The following TMPRSS11B variants were observed in gnomAD, a reference collection of about 807,000 sequenced individuals.
TMPRSS11B encodes the protein transmembrane protease serine 11B.
In TMPRSS11B, 53 loss-of-function variants were observed where a neutral mutation model predicts 44.7. That is an observed-to-expected ratio of 1.19 (90% CI 0.95 to 1.49). The LOEUF is 1.49. TMPRSS11B is among the 40% of genes most tolerant of loss of function. The probability of loss-of-function intolerance (pLI) is 0.00; values close to 1 mark genes in which losing one functional copy is unlikely to be tolerated. For synonymous variants in TMPRSS11B, 140 were observed against 159.2 expected, an observed-to-expected ratio of 0.88 and a Z score of 0.91; for missense variants, 526 against 494.8, an observed-to-expected ratio of 1.06 and a Z score of -0.60.
At chr4:68,234,362 T>C (rs1719601774) in intron 5 of TMPRSS11B, 101 bp downstream of exon 5, 1 of 1,286,206 alleles carries the variant, frequency 7.8e-7, no homozygotes, top group Admixed American at 2.3e-5. Context: ...CATATTTTTT[T>C]CCCGAATTAC....
chr4:68,231,451 A>T (rs2109956501), intron 6 of TMPRSS11B, 71 bp from the exon 7 acceptor site: 1 of 1,359,258 alleles, frequency 7.4e-7, no homozygotes, highest in East Asian at 2.4e-5. Context: ...ATATCATTAA[A>T]AATTACTTGA....
intron 1 of TMPRSS11B, among the ~76,000 whole-genome samples, chr4:68,245,245 G>A (rs1719967952): frequency 6.6e-6 from 1 of 152,044 alleles, no homozygotes; most frequent in African/African-American, 2.4e-5. Context: ...AAACGGTAGC[G>A]TTCTTATGAG....
chr4:68,231,335 A>C lies in TMPRSS11B; in HGVS notation c.554T>G (p.Ile185Ser). 6.2e-7 allele frequency: 1 copy of C among 1,613,822 alleles called. No homozygotes were observed. Among genetic ancestry groups the C allele is most frequent in the Non-Finnish European group, 8.5e-7 (1 of 1,179,844 alleles). ...VANSIITGNKIVNGKSSLEGA... is the reference protein window; with the variant it reads ...VANSIITGNKSVNGKSSLEGA... ...CTCCAGGGAGCTTTTTCCATTCACAATTTTGTTGCCAGTTATGATACTGTT... is the reference window on the plus strand; with the variant it reads ...CTCCAGGGAGCTTTTTCCATTCACACTTTTGTTGCCAGTTATGATACTGTT... The change falls in exon 7 of 10, where the codon ATT becomes AGT. Residue 185 changes from isoleucine (I) to serine (S), a missense_variant. Coordinates refer to ENST00000332644, the MANE Select transcript of TMPRSS11B (RefSeq NM_182502.3).
intron 9 of TMPRSS11B, among the ~76,000 whole-genome samples, chr4:68,228,313 C>T (rs1419592390): frequency 2.0e-5 from 3 of 152,100 alleles, no homozygotes; most frequent in African/African-American, 2.4e-5. Context: ...ATGAGTGCAG[C>T]TTGAATATGG....
At chr4:68,228,424 G>A (rs1347110046) in intron 9 of TMPRSS11B, among the ~76,000 whole-genome samples, 1 of 152,112 alleles carries the variant, frequency 6.6e-6, no homozygotes, top group African/African-American at 2.4e-5. Flanking sequence ...ATGCATCTCT[G>A]GATAAAGAGA....
rs774360864 is a variant in TMPRSS11B at position 68,245,561 on chromosome 4, T to G, written c.-3A>C. 2 of 1,613,608 alleles carry G rather than the reference T, an allele frequency of 1.2e-6. No individual in the cohort carries two copies. The highest frequency in any genetic ancestry group is 1.7e-6 in the Non-Finnish European group (2 of 1,179,636). On this transcript the variant is annotated 5_prime_UTR_variant, in exon 1 of 10. Coordinates refer to ENST00000332644, the MANE Select transcript of TMPRSS11B (RefSeq NM_182502.3). ...TGAAGTCCCCTTTACCTGTACATAA[T>G]GTTCTGATTGTTATGGCAGTATCAG...
At chr4:68,236,637 T>C (rs1719676072) in intron 2 of TMPRSS11B, among the ~76,000 whole-genome samples, 1 of 152,176 alleles carries the variant, frequency 6.6e-6, no homozygotes, top group East Asian at 1.9e-4. Flanking sequence ...AGTCCAGATA[T>C]ACCCTCAGCA....
chr4:68,242,308 T>A (rs1214363687), intron 1 of TMPRSS11B, among the ~76,000 whole-genome samples: 2 of 50,684 alleles, frequency 3.9e-5, no homozygotes, highest in East Asian at 1.6e-3. Context: ...ATATAATATA[T>A]ATAATATTAT....
intron 8 of TMPRSS11B, 45 bp downstream of exon 8, chr4:68,229,208 TTAAA>T (rs35036454): frequency 0.75 from 1,053,429 of 1,413,576 alleles, 396,904 homozygotes; most frequent in East Asian, 0.95. Flanking sequence ...GATTGATTGA[TTAAA>T]TAGTTATTCC....
At chr4:68,232,888 A>G (rs1472741700) in intron 5 of TMPRSS11B, among the ~76,000 whole-genome samples, 2 of 131,802 alleles carry the variant, frequency 1.5e-5, no homozygotes, top group East Asian at 4.5e-4. Context: ...TTAAGAGATC[A>G]TGATAGAGAT....
intron 1 of TMPRSS11B, among the ~76,000 whole-genome samples, chr4:68,242,336 A>ATATAT (rs1323187218): frequency 8.9e-5 from 1 of 11,248 alleles, no homozygotes; most frequent in East Asian, 0.05. Flanking sequence ...ATATTATATT[A>ATATAT]TATATATATT....
intron 2 of TMPRSS11B, among the ~76,000 whole-genome samples, chr4:68,239,551 T>C (rs1177998903): frequency 6.6e-6 from 1 of 152,248 alleles, no homozygotes; most frequent in Non-Finnish European, 1.5e-5. Flanking sequence ...TTAGATAAAC[T>C]GAATGGAAAT....
chr4:68,242,257 A>AAT (rs1393074711), intron 1 of TMPRSS11B, among the ~76,000 whole-genome samples: 1 of 77,334 alleles, frequency 1.3e-5, no homozygotes, highest in Non-Finnish European at 2.2e-5. Flanking sequence ...TATATATTAT[A>AAT]ATATATATAA....
rs746726281 is a variant in TMPRSS11B, at chr4:68,229,206, G to C, written c.946+51C>G. 28 of 1,172,182 alleles carry C rather than the reference G, an allele frequency of 2.4e-5. 1 individual carries two copies. The highest frequency in any genetic ancestry group is 3.2e-5 in the Non-Finnish European group (28 of 874,150). The allele number at this position is 1,172,182 out of a possible 1,614,324, so 72.6% of individuals were successfully genotyped here. ...TGATTGATTGATTGATTGATTGATT[G>C]ATTAAATAGTTATTCCCATGCAGCT... On this transcript the variant is annotated intron_variant, in intron 8 of 9. Transcript: ENST00000332644.
At chr4:68,242,590 G>A (rs1719891941) in intron 1 of TMPRSS11B, among the ~76,000 whole-genome samples, 1 of 142,568 alleles carries the variant, frequency 7.0e-6, no homozygotes, top group Admixed American at 7.4e-5. Flanking sequence ...TTTTTTTTGA[G>A]ACAGAGCCTC....
rs776248782 is a variant in TMPRSS11B at position 68,227,867 on chromosome 4, A to C, written c.*44T>G. 3 of 1,432,512 alleles carry C rather than the reference A, an allele frequency of 2.1e-6. No individual in the cohort carries two copies. The highest frequency in any genetic ancestry group is 2.8e-6 in the Non-Finnish European group (3 of 1,086,276). 88.7% of individuals were successfully genotyped at this position (1,432,512 alleles called of 1,614,324 possible). A position where few individuals can be genotyped will look rare whatever the true frequency, so the allele number is the denominator to read the frequency against. The stretch of plus-strand genomic sequence containing the variant: ...AGATCCCAAAGCCACAGATAAGGAT[A>C]GCCTACAGTGGTCTTTATGTTCCTT... On this transcript the variant is annotated 3_prime_UTR_variant, in exon 10 of 10. Coordinates refer to ENST00000332644, the MANE Select transcript of TMPRSS11B (RefSeq NM_182502.3).
chr4:68,242,334 T>TATAA (rs1719873107), intron 1 of TMPRSS11B, among the ~76,000 whole-genome samples: 18 of 14,008 alleles, frequency 1.3e-3, no homozygotes, highest in African/African-American at 3.3e-3. Flanking sequence ...TAATATTATA[T>TATAA]TATATATATA....
chr4:68,227,408 T>TTTC lies in TMPRSS11B; in HGVS notation c.*502_*503insGAA, dbSNP rs1719382246. The TTTC allele has an allele frequency of 6.9e-6, 1 of 145,222 alleles. No individual in the cohort carries two copies. The highest frequency in any genetic ancestry group is 2.0e-4 in the East Asian group (1 of 5,062). 9.0% of individuals were successfully genotyped at this position (145,222 alleles called of 1,614,324 possible). A position where few individuals can be genotyped will look rare whatever the true frequency, so the allele number is the denominator to read the frequency against. Reference sequence around the variant, plus strand: ...GCCTTCTTTATTTTCTTCTCTCCTTTTTTTTTTTTTTTTTTTGAGACAGGG... The same window carrying TTTC: ...GCCTTCTTTATTTTCTTCTCTCCTTTTTCTTTTTTTTTTTTTTTTGAGACAGGG... On this transcript the variant is annotated 3_prime_UTR_variant, in exon 10 of 10. Transcript: ENST00000332644.
In TMPRSS11B at chr4:68,229,206, GATTAAATA is replaced by G. The variant is rs766060952; in HGVS notation, c.946+43_946+50del. 2.0e-5 allele frequency: 23 copies of G among 1,172,090 alleles called. 1 individual carries two copies. Among genetic ancestry groups the G allele is most frequent in the Middle Eastern group, 2.5e-4 (1 of 4,022 alleles). The allele number at this position is 1,172,090 out of a possible 1,614,324, so 72.6% of individuals were successfully genotyped here. ...TGATTGATTGATTGATTGATTGATT[GATTAAATA>G]GTTATTCCCATGCAGCTATTATGAT... On this transcript the variant is annotated intron_variant, in intron 8 of 9. Coordinates refer to ENST00000332644, the MANE Select transcript of TMPRSS11B (RefSeq NM_182502.3).
Sources: allele counts gnomAD v4.1 joint callset (sites outside exome capture counted in the v4.1 genomes callset), GRCh38; gene constraint gnomAD v4.1.1; transcripts MANE v1.5; gene names NCBI Gene and HGNC (gene_info 2026-07-23, HGNC 2026-07-21).